EFHC2: variants seen among roughly 807,000 people sequenced by gnomAD.
EFHC2 encodes the protein EF-hand domain-containing family member C2.
A neutral mutation model predicts 52.7 loss-of-function variants in EFHC2; 18 were observed. The observed-to-expected ratio is 0.34, with a 90% confidence interval of 0.24 to 0.51. EFHC2 has a LOEUF of 0.51. Ranked by LOEUF, EFHC2 falls within the 20% of genes least tolerant of loss-of-function variation. The pLI is 0.97. For synonymous variants in EFHC2, 203 were observed against 204.1 expected (o/e 0.99, Z 0.04); for missense variants, 513 against 562.5 (o/e 0.91, Z 0.89).
At chrX:44,298,526 GAT>G (rs936688316) in intron 2 of EFHC2, among the ~76,000 whole-genome samples, 17 of 111,446 alleles carry the variant, frequency 1.5e-4, no homozygotes, top group Non-Finnish European at 9.4e-5. Context: ...TGGTTACACA[GAT>G]GCATACATTT....
intron 8 of EFHC2, among the ~76,000 whole-genome samples, chrX:44,235,649 T>A (rs2037314341): frequency 8.9e-6 from 1 of 112,840 alleles, no homozygotes; most frequent in Non-Finnish European, 1.9e-5. Context: ...ATATCTCTGA[T>A]TCTTTACATG....
At chrX:44,292,124 TTATA>T (rs762579821) in intron 2 of EFHC2, among the ~76,000 whole-genome samples, 1 of 111,379 alleles carries the variant, frequency 9.0e-6, no homozygotes, top group Non-Finnish European at 1.9e-5. Context: ...ATATAAAAAA[TTATA>T]TATATGTGTG....
At chrX:44,154,946 T>A (rs1211870146) in intron 14 of EFHC2, among the ~76,000 whole-genome samples, 1 of 111,556 alleles carries the variant, frequency 9.0e-6, no homozygotes, top group African/African-American at 3.3e-5. Flanking sequence ...AAGAATATGT[T>A]TAAGAAAGCC....
At chrX:44,154,665 C>T (rs1354411074) in intron 14 of EFHC2, among the ~76,000 whole-genome samples, 6 of 110,603 alleles carry the variant, frequency 5.4e-5, no homozygotes, top group Admixed American at 3.8e-4. Context: ...GATCGCACCA[C>T]TACACTCCAC....
rs1383736244 is a variant in EFHC2, at chrX:44,235,348, A to G, written c.1380T>C (p.Gly460=). The G allele has an allele frequency of 8.4e-7, 1 of 1,190,637 alleles. No individual in the cohort carries two copies. Among genetic ancestry groups the G allele is most frequent in the Middle Eastern group, 2.3e-4 (1 of 4,289 alleles). ...DRMFVISYYL[G]DDTISVFEPI... ...GTTCAAACACTGAAATGGTGTCATC[A>G]CCGAGATAATATGAAATAACAAACA... is the stretch of plus-strand genomic sequence containing the variant. Residue 460 remains glycine (G), a synonymous_variant, in exon 9 of 15, where the codon GGT becomes GGC. Transcript: ENST00000420999.
chrX:44,334,539 G>A (rs1022138649), intron 1 of EFHC2, among the ~76,000 whole-genome samples: 1 of 112,151 alleles, frequency 8.9e-6, no homozygotes, highest in African/African-American at 3.2e-5. Flanking sequence ...GCAATGGTGC[G>A]ATCTCGGCTC....
At position 44,148,615 on chromosome X, in the gene EFHC2, G is replaced by A. The variant is rs186129923; in HGVS notation, c.*180C>T. 14 of 397,347 alleles carry A rather than the reference G, an allele frequency of 3.5e-5. No homozygotes were observed. The highest frequency in any genetic ancestry group is 6.2e-4 in the Middle Eastern group (1 of 1,613). 32.7% of individuals were successfully genotyped at this position (397,347 alleles called of 1,213,427 possible). On this transcript the variant is annotated 3_prime_UTR_variant, in exon 15 of 15. Coordinates refer to ENST00000420999, the MANE Select transcript of EFHC2 (RefSeq NM_025184.4). ...GCATTTTAAATAGTAACAGTACGTCGGCAATGTAACATGATGTTCTGTAAA... is the reference window on the plus strand; with the variant it reads ...GCATTTTAAATAGTAACAGTACGTCAGCAATGTAACATGATGTTCTGTAAA...
intron 11 of EFHC2, among the ~76,000 whole-genome samples, chrX:44,195,762 C>T (rs945036569): frequency 9.2e-6 from 1 of 108,303 alleles, no homozygotes; most frequent in African/African-American, 3.3e-5. Context: ...TCCTGGGGCA[C>T]GCTACTGAGA....
chrX:44,157,543 G>A (rs1005376029), intron 14 of EFHC2, among the ~76,000 whole-genome samples: 2 of 110,794 alleles, frequency 1.8e-5, no homozygotes, highest in African/African-American at 6.6e-5. Flanking sequence ...AACAGGAGAA[G>A]CAAGAGGTCA....
At chrX:44,248,621 G>A (rs1471227847) in intron 6 of EFHC2, among the ~76,000 whole-genome samples, 182 bp downstream of exon 6, 2 of 112,331 alleles carry the variant, frequency 1.8e-5, no homozygotes, top group African/African-American at 6.5e-5. Context: ...GCAATGCATT[G>A]CATATATTTA....
At chrX:44,255,446 A>T (rs2147340828) in intron 4 of EFHC2, among the ~76,000 whole-genome samples, 1 of 111,760 alleles carries the variant, frequency 8.9e-6, no homozygotes, top group East Asian at 2.8e-4. Flanking sequence ...AAAAAAATGG[A>T]AAGCAAAAAA....
At chrX:44,166,221 G>A (rs921727219) in intron 13 of EFHC2, among the ~76,000 whole-genome samples, 5 of 111,643 alleles carry the variant, frequency 4.5e-5, no homozygotes, top group Non-Finnish European at 7.5e-5. Context: ...GAGAGATAAC[G>A]GCAGTTTAGA....
chrX:44,265,884 C>G (rs1445864068), intron 3 of EFHC2, among the ~76,000 whole-genome samples: 1 of 111,842 alleles, frequency 8.9e-6, no homozygotes. Context: ...TTTATATACA[C>G]AACCGGGCAC....
intron 11 of EFHC2, among the ~76,000 whole-genome samples, chrX:44,180,051 A>G (rs776458643): frequency 8.9e-6 from 1 of 111,923 alleles, no homozygotes; most frequent in African/African-American, 3.3e-5. Flanking sequence ...CTAATGTCAC[A>G]AAAGCCAGAA....
intron 14 of EFHC2, among the ~76,000 whole-genome samples, chrX:44,158,683 C>G (rs1050469979): frequency 7.3e-5 from 7 of 96,268 alleles, no homozygotes; most frequent in Non-Finnish European, 1.5e-4. Context: ...CAGTTGCACC[C>G]CCGGGACCTA....
chrX:44,251,211 C>G (rs777845698), intron 4 of EFHC2, among the ~76,000 whole-genome samples: 2 of 92,263 alleles, frequency 2.2e-5, no homozygotes, highest in South Asian at 1.2e-3. Context: ...TGCACTCCAG[C>G]CCGGGCGACA....
chrX:44,227,041 AT>A (rs779523696), intron 11 of EFHC2, among the ~76,000 whole-genome samples: 17 of 110,840 alleles, frequency 1.5e-4, no homozygotes, highest in African/African-American at 4.6e-4. Context: ...CAAAAAAAAA[AT>A]GTACCCATTC....
At chrX:44,282,252 G>T (rs929352550) in intron 2 of EFHC2, among the ~76,000 whole-genome samples, 3 of 108,116 alleles carry the variant, frequency 2.8e-5, no homozygotes, top group African/African-American at 6.7e-5. Context: ...TGATATTTTT[G>T]AAAAACATGA....
At chrX:44,180,696 C>A (rs1326907280) in intron 11 of EFHC2, among the ~76,000 whole-genome samples, 2 of 109,247 alleles carry the variant, frequency 1.8e-5, no homozygotes, top group Non-Finnish European at 3.8e-5. Flanking sequence ...TGAGATCATG[C>A]CACTGCACTC....
Sources: allele counts gnomAD v4.1 joint callset (sites outside exome capture counted in the v4.1 genomes callset), GRCh38; gene constraint gnomAD v4.1.1; transcripts MANE v1.5; gene names NCBI Gene and HGNC (gene_info 2026-07-23, HGNC 2026-07-21).